SAMD4A: variants seen among roughly 807,000 people sequenced by gnomAD.
SAMD4A encodes sterile alpha motif domain containing 4A, also known as protein Smaug homolog 1.
Under a neutral mutation model 81.3 loss-of-function variants are expected in SAMD4A, and 33 were observed. That is an observed-to-expected ratio of 0.41 (90% CI 0.31 to 0.54). SAMD4A has a LOEUF of 0.54. SAMD4A is among the 20% of genes least tolerant of loss of function. The pLI is 0.37. For synonymous variants in SAMD4A, 389 were observed against 382.1 expected, an observed-to-expected ratio of 1.02 and a Z score of -0.21; for missense variants, 854 against 951.1, an observed-to-expected ratio of 0.90 and a Z score of 1.34.
intron 6 of SAMD4A, among the ~76,000 whole-genome samples, chr14:54,757,850 G>C (rs1255523478): frequency 1.3e-5 from 2 of 152,214 alleles, no homozygotes; most frequent in African/African-American, 2.4e-5. Flanking sequence ...GGGTCCCCTA[G>C]TTAGCACGCA....
intron 2 of SAMD4A, among the ~76,000 whole-genome samples, chr14:54,698,448 G>C (rs1024983710): frequency 6.6e-6 from 1 of 152,198 alleles, no homozygotes; most frequent in African/African-American, 2.4e-5. Flanking sequence ...CTAGCAGGGG[G>C]CTGGGGGCAA....
rs2039209093 is a variant in SAMD4A at position 54,788,904 on chromosome 14, T to G, written c.2129-12T>G. 1.2e-6 allele frequency: 2 copies of G among 1,614,198 alleles called. No homozygotes were observed. Among genetic ancestry groups the G allele is most frequent in the Non-Finnish European group, 1.7e-6 (2 of 1,180,030 alleles). ...CTCACCTGTGCCCATCGTTTGCTGC[T>G]TTCTCTCCCAGACGGGGTTGACCGG... On this transcript the variant is annotated splice_polypyrimidine_tract_variant and intron_variant, in intron 12 of 12. Coordinates refer to ENST00000554335, the MANE Select transcript of SAMD4A (RefSeq NM_015589.6).
intron 3 of SAMD4A, among the ~76,000 whole-genome samples, chr14:54,718,648 C>G (rs377593808): frequency 1.1e-4 from 16 of 152,244 alleles, no homozygotes; most frequent in African/African-American, 3.6e-4. Flanking sequence ...TGAGACCATT[C>G]TGCCACCCTA....
intron 2 of SAMD4A, among the ~76,000 whole-genome samples, chr14:54,635,443 A>T (rs532875678): frequency 1.2e-4 from 18 of 151,164 alleles, no homozygotes; most frequent in African/African-American, 4.1e-4. Flanking sequence ...AATAATAATA[A>T]AATAAAATAA....
At chr14:54,657,584 G>T (rs527330868) in intron 2 of SAMD4A, among the ~76,000 whole-genome samples, 1 of 152,192 alleles carries the variant, frequency 6.6e-6, no homozygotes, top group Admixed American at 6.5e-5. Context: ...CTACTAAAGA[G>T]TATTGCATCC....
At chr14:54,716,029 TTGA>T (rs2037109212) in intron 3 of SAMD4A, among the ~76,000 whole-genome samples, 1 of 152,194 alleles carries the variant, frequency 6.6e-6, no homozygotes. Flanking sequence ...CCATTCTTGC[TTGA>T]TGATTGTGGT....
chr14:54,630,523 A>G (rs2034869542), intron 2 of SAMD4A, among the ~76,000 whole-genome samples: 1 of 152,200 alleles, frequency 6.6e-6, no homozygotes, highest in Non-Finnish European at 1.5e-5. Context: ...AATTTTTAAA[A>G]TCAGATTGTA....
In SAMD4A at chr14:54,760,502, C is replaced by T; in HGVS notation, c.1510+8C>T. ...CACGCGTCATGGGGAAAGGTAGAGCCTCATTCGCCCATTTCTTTTTTCTTC... is the reference window on the plus strand; with the variant it reads ...CACGCGTCATGGGGAAAGGTAGAGCTTCATTCGCCCATTTCTTTTTTCTTC... On this transcript the variant is annotated splice_region_variant and intron_variant, in intron 7 of 12. Coordinates refer to ENST00000554335, the MANE Select transcript of SAMD4A (RefSeq NM_015589.6). The T allele has an allele frequency of 1.4e-6, 2 of 1,385,968 alleles. No homozygotes were observed. Among genetic ancestry groups the T allele is most frequent in the Non-Finnish European group, 1.9e-6 (2 of 1,078,172 alleles). 85.9% of individuals were successfully genotyped at this position (1,385,968 alleles called of 1,614,324 possible).
chr14:54,607,065 G>C (rs923960042), intron 2 of SAMD4A, among the ~76,000 whole-genome samples: 5 of 152,224 alleles, frequency 3.3e-5, no homozygotes, highest in Non-Finnish European at 7.3e-5. Flanking sequence ...ATAAAGGAGA[G>C]ACAGGAGTTC....
At position 54,653,629 on chromosome 14, in the gene SAMD4A, C is replaced by T. The variant is rs370801513; in HGVS notation, c.197-48433C>T. 1.8e-4 allele frequency among the ~76,000 whole-genome samples: 27 copies of T among 152,202 alleles called. No homozygotes were observed. The East Asian group carries it at 1.9e-3, about 11-fold the overall frequency. On this transcript the variant is annotated intron_variant, in intron 2 of 12. Transcript: ENST00000554335. ...TGCTGGGACTACACACATGAGCCAC[C>T]GTGCCTAGCCTCTCAATATTGTTTT...
chr14:54,603,583 G>C (rs1208799493), intron 2 of SAMD4A, among the ~76,000 whole-genome samples: 1 of 152,008 alleles, frequency 6.6e-6, no homozygotes, highest in Non-Finnish European at 1.5e-5. Context: ...GGTTGTACAG[G>C]CATTTGGCCT....
At chr14:54,684,601 C>G in intron 2 of SAMD4A, among the ~76,000 whole-genome samples, 1 of 81,168 alleles carries the variant, frequency 1.2e-5, no homozygotes, top group African/African-American at 3.3e-5. Flanking sequence ...TTCCATTGGC[C>G]AGACACCCCC....
chr14:54,690,372 G>A (rs1216597469), intron 2 of SAMD4A, among the ~76,000 whole-genome samples: 7 of 152,080 alleles, frequency 4.6e-5, no homozygotes, highest in Admixed American at 4.6e-4. Flanking sequence ...GATCTCTTTT[G>A]AGATTCAAAC....
intron 4 of SAMD4A, among the ~76,000 whole-genome samples, chr14:54,738,280 C>T (rs563893908): frequency 7.2e-5 from 11 of 152,326 alleles, no homozygotes; most frequent in African/African-American, 2.4e-4. Context: ...CCCCTCCCTT[C>T]ACGGAAGCCT....
intron 11 of SAMD4A, chr14:54,784,279 TGAGCA>T: frequency 7.3e-7 from 1 of 1,364,882 alleles, no homozygotes; most frequent in Non-Finnish European, 1.0e-6. Context: ...TGGAGGGTTC[TGAGCA>T]GAGGAGGCAC....
intron 4 of SAMD4A, among the ~76,000 whole-genome samples, chr14:54,740,650 A>C (rs1405977035): frequency 1.3e-5 from 2 of 151,908 alleles, no homozygotes; most frequent in African/African-American, 4.8e-5. Flanking sequence ...TCTTGGGTCA[A>C]GGGTATGGAA....
chr14:54,574,805 A>G (rs1411424134), intron 2 of SAMD4A, among the ~76,000 whole-genome samples: 1 of 152,246 alleles, frequency 6.6e-6, no homozygotes, highest in Non-Finnish European at 1.5e-5. Context: ...GTCGTAGACC[A>G]GTTCTCAAAA....
At position 54,790,993 on chromosome 14, in the gene SAMD4A, G is replaced by T. The variant is rs1222946966; in HGVS notation, c.*2049G>T. 1 of 151,860 alleles carries T rather than the reference G, an allele frequency of 6.6e-6. No homozygotes were observed. Among genetic ancestry groups the T allele is most frequent in the Non-Finnish European group, 1.5e-5 (1 of 67,958 alleles). The allele number at this position is 151,860 out of a possible 1,614,324, so 9.4% of individuals were successfully genotyped here. On this transcript the variant is annotated 3_prime_UTR_variant, in exon 13 of 13. Coordinates refer to ENST00000554335, the MANE Select transcript of SAMD4A (RefSeq NM_015589.6). ...TTCATTCGCTGAATTAAAAAAAAAA[G>T]GTTCAGACCTCTCCTTGGGTGACTA...
At chr14:54,775,230 C>A in intron 10 of SAMD4A, 95 bp downstream of exon 10, 3 of 1,361,080 alleles carry the variant, frequency 2.2e-6, no homozygotes, top group East Asian at 2.3e-5. Flanking sequence ...GGAGAGAGGC[C>A]AAAGGGGACT....
Sources: gnomAD v4.1 joint callset for allele counts (sites outside exome capture counted in the v4.1 genomes callset) on GRCh38, gnomAD v4.1.1 for gene constraint, MANE v1.5 for transcripts, NCBI Gene and HGNC (gene_info 2026-07-23, HGNC 2026-07-21) for gene names.